LAMP2: variants seen among roughly 807,000 people sequenced by gnomAD.
The protein encoded by LAMP2 is lysosome associated membrane protein 2.
LAMP2 carries 4 observed loss-of-function variants against 25.6 expected under a neutral mutation model. The ratio of observed to expected loss-of-function variants is 0.16; its 90% CI spans 0.08 to 0.36. The LOEUF is 0.36. LAMP2 is among the 10% of genes least tolerant of loss of function. The pLI is 1.00. For missense variants in LAMP2, 272 were observed against 301.4 expected (o/e 0.90, Z 0.72); for synonymous variants, 108 against 112.7 (o/e 0.96, Z 0.27).
At chrX:120,442,310 G>A (rs1344121051) in intron 7 of LAMP2, among the ~76,000 whole-genome samples, 1 of 106,712 alleles carries the variant, frequency 9.4e-6, no homozygotes, top group Non-Finnish European at 1.9e-5. Flanking sequence ...CCCACAAAAA[G>A]CAATTCTTAC....
chrX:120,447,804 G>C lies in LAMP2; in HGVS notation c.741+37C>G, dbSNP rs767721959. Reference sequence around the variant, plus strand: ...GGATACGCAATATTTGAAATGAAATGCAAAAAGGATGTATTGATAAAGATA... The same window carrying C: ...GGATACGCAATATTTGAAATGAAATCCAAAAAGGATGTATTGATAAAGATA... On this transcript the variant is annotated intron_variant, in intron 5 of 8. Transcript: ENST00000200639. 5.4e-6 allele frequency: 6 copies of C among 1,116,524 alleles called. No homozygotes were observed. The Admixed American group carries it at 1.3e-4, about 24-fold the overall frequency. 92.0% of individuals were successfully genotyped at this position (1,116,524 alleles called of 1,213,427 possible).
At chrX:120,464,133 T>A (rs1236233202) in intron 1 of LAMP2, among the ~76,000 whole-genome samples, 1 of 111,274 alleles carries the variant, frequency 9.0e-6, no homozygotes, top group African/African-American at 3.3e-5. Context: ...ATTCTCCATA[T>A]TACCCCCTTC....
intron 8 of LAMP2, among the ~76,000 whole-genome samples, chrX:120,439,703 GCATATA>G (rs1249483689): frequency 1.8e-5 from 2 of 109,929 alleles, no homozygotes; most frequent in Non-Finnish European, 3.8e-5. Flanking sequence ...ATATATGTGT[GCATATA>G]CATATACATA....
chrX:120,457,481 C>T (rs1921146556), intron 1 of LAMP2, among the ~76,000 whole-genome samples: 1 of 112,277 alleles, frequency 8.9e-6, no homozygotes, highest in African/African-American at 3.2e-5. Context: ...CACTGTTTCA[C>T]TTTAAAATCG....
chrX:120,438,542 C>T (rs2058555860), intron 8 of LAMP2: 1 of 748,587 alleles, frequency 1.3e-6, no homozygotes, highest in East Asian at 1.5e-4. Context: ...ATTACAGCCA[C>T]ATAAATACAA....
intron 8 of LAMP2, chrX:120,436,896 T>C (rs1818180819): frequency 1.4e-6 from 1 of 738,999 alleles, no homozygotes; most frequent in Admixed American, 8.6e-5. Context: ...TGTAGAAACT[T>C]TTAGAAATAT....
Position 120,430,846 on chromosome X carries a change from A to G in LAMP2, c.*477T>C, listed in dbSNP as rs750939378. On this transcript the variant is annotated 3_prime_UTR_variant, in exon 9 of 9. Transcript: ENST00000200639. ...GTTTAAGCATATCTGATGGGCATTTATACCACATCAATATTTATTTAATGA... is the reference window on the plus strand; with the variant it reads ...GTTTAAGCATATCTGATGGGCATTTGTACCACATCAATATTTATTTAATGA... The G allele has an allele frequency of 6.8e-5, 52 of 760,177 alleles. No homozygotes were observed. The East Asian group carries it at 6.6e-3, about 97-fold the overall frequency. The allele number at this position is 760,177 out of a possible 1,213,427, so 62.6% of individuals were successfully genotyped here. A position where few individuals can be genotyped will look rare whatever the true frequency, so the allele number is the denominator to read the frequency against.
chrX:120,428,774 TC>T lies in LAMP2; in HGVS notation c.*2548del, dbSNP rs2058508985. ...TCTATTTTCTTATTTGCTCAATATCTCATTATCACTTTATCTAAAATCACAC... is the reference window on the plus strand; with the variant it reads ...TCTATTTTCTTATTTGCTCAATATCTATTATCACTTTATCTAAAATCACAC... On this transcript the variant is annotated 3_prime_UTR_variant, in exon 9 of 9. Transcript: ENST00000200639. 1.2e-5 allele frequency: 12 copies of T among 1,041,557 alleles called. No individual in the cohort carries two copies. Among genetic ancestry groups the T allele is most frequent in the Non-Finnish European group, 1.5e-5 (12 of 816,990 alleles). The allele number at this position is 1,041,557 out of a possible 1,213,427, so 85.8% of individuals were successfully genotyped here. A position where few individuals can be genotyped will look rare whatever the true frequency, so the allele number is the denominator to read the frequency against.
At position 120,427,413 on chromosome X, in the gene LAMP2, T is replaced by G. The variant is rs1025409360; in HGVS notation, c.*3910A>C. Among the ~76,000 whole-genome samples, 5 of 110,945 alleles carry G rather than the reference T, an allele frequency of 4.5e-5. No homozygotes were observed. The highest frequency in any genetic ancestry group is 9.4e-5 in the Non-Finnish European group (5 of 52,987). On this transcript the variant is annotated 3_prime_UTR_variant, in exon 9 of 9. Coordinates refer to ENST00000200639, the MANE Select transcript of LAMP2 (RefSeq NM_002294.3). The stretch of plus-strand genomic sequence containing the variant: ...ACCTTACTCCAGAAGCCGGAGCCAT[T>G]AGCAGTCCCTACAGGGATATAAGTC...
chrX:120,436,975 T>C (rs2058547563), intron 8 of LAMP2: 8 of 748,877 alleles, frequency 1.1e-5, no homozygotes, highest in Non-Finnish European at 1.3e-5. Context: ...TTGTTTTGAC[T>C]CATGTGAAAT....
chrX:120,457,938 T>C (rs1212311412), intron 1 of LAMP2, among the ~76,000 whole-genome samples: 1 of 112,426 alleles, frequency 8.9e-6, no homozygotes, highest in Non-Finnish European at 1.9e-5. Context: ...TCAAGTTGTA[T>C]AGAAGAGCCT....
chrX:120,447,029 A>T (rs1158697759), intron 5 of LAMP2, among the ~76,000 whole-genome samples: 1 of 112,311 alleles, frequency 8.9e-6, no homozygotes, highest in African/African-American at 3.2e-5. Flanking sequence ...CCAACACAAC[A>T]CCTGAAAGTG....
In LAMP2 at chrX:120,430,011, T is replaced by C. The variant is rs1187937542; in HGVS notation, c.*1312A>G. The C allele has an allele frequency of 1.3e-6, 1 of 752,862 alleles. No individual in the cohort carries two copies. The highest frequency in any genetic ancestry group is 1.6e-6 in the Non-Finnish European group (1 of 638,758). The allele number at this position is 752,862 out of a possible 1,213,427, so 62.0% of individuals were successfully genotyped here. ...AACACTCATCTCAGTAACCACACAT[T>C]AGCCTATGCTGAAAGAATTTACTAT... On this transcript the variant is annotated 3_prime_UTR_variant, in exon 9 of 9. Transcript: ENST00000200639.
intron 1 of LAMP2, among the ~76,000 whole-genome samples, chrX:120,463,223 G>A (rs902167800): frequency 1.2e-4 from 14 of 112,069 alleles, no homozygotes; most frequent in African/African-American, 4.2e-4. Context: ...ATTGCATTCA[G>A]TTACTTTATA....
At chrX:120,468,963 T>C in intron 1 of LAMP2, 143 bp downstream of exon 1, 1 of 662,835 alleles carries the variant, frequency 1.5e-6, no homozygotes, top group Non-Finnish European at 2.5e-6. Context: ...ACCGCTTGCC[T>C]CCCCGGGCCA....
chrX:120,438,179 T>A, intron 8 of LAMP2: 1 of 752,540 alleles, frequency 1.3e-6, no homozygotes, highest in Non-Finnish European at 1.6e-6. Context: ...ATTTTATAAG[T>A]GTAAGTGCAC....
chrX:120,446,939 A>G (rs1171888009), intron 5 of LAMP2, among the ~76,000 whole-genome samples: 5 of 112,355 alleles, frequency 4.5e-5, no homozygotes, highest in Admixed American at 2.8e-4. Flanking sequence ...ATAAAGGCCA[A>G]TTGTTTGTAC....
intron 3 of LAMP2, among the ~76,000 whole-genome samples, chrX:120,452,874 A>T (rs42894): frequency 0.16 from 18,020 of 109,433 alleles, 1,385 homozygotes; most frequent in East Asian, 0.34. Context: ...ACTCTTAACC[A>T]CAGGGATCTA....
rs1449256764 is a variant in LAMP2 at position 120,428,302 on chromosome X, G to GA, written c.*3020dup. 59 of 485,605 alleles carry GA rather than the reference G, an allele frequency of 1.2e-4. No individual in the cohort carries two copies. The highest frequency in any genetic ancestry group is 1.6e-4 in the Non-Finnish European group (56 of 341,036). The allele number at this position is 485,605 out of a possible 1,213,427, so 40.0% of individuals were successfully genotyped here. A position where few individuals can be genotyped will look rare whatever the true frequency, so the allele number is the denominator to read the frequency against. On this transcript the variant is annotated 3_prime_UTR_variant, in exon 9 of 9. Transcript: ENST00000200639. ...CTTTAACAAAGGAAGAAAAAAAACA[G>GA]AAAAAAATTGGTCCTAATATATTTT... is the stretch of plus-strand genomic sequence containing the variant.
Sources: gnomAD v4.1 joint callset for allele counts (sites outside exome capture counted in the v4.1 genomes callset) on GRCh38, gnomAD v4.1.1 for gene constraint, MANE v1.5 for transcripts, NCBI Gene and HGNC (gene_info 2026-07-23, HGNC 2026-07-21) for gene names.